KDM4C: variants seen among roughly 807,000 people sequenced by gnomAD.
KDM4C encodes lysine demethylase 4C.
KDM4C carries 81 observed loss-of-function variants against 129.3 expected under a neutral mutation model. The ratio of observed to expected loss-of-function variants is 0.63; its 90% confidence interval spans 0.52 to 0.75. The LOEUF (loss-of-function observed/expected upper bound fraction) is 0.75, where lower values mean the gene tolerates loss of function less well. KDM4C is among the 30% of genes least tolerant of loss of function. The pLI is 0.00. For missense variants in KDM4C, 1,457 were observed against 1,304.0 expected (o/e 1.12, Z -1.81); for synonymous variants, 573 against 456.1 (o/e 1.26, Z -3.26).
At chr9:6,775,253 G>A (rs1315385816) in intron 1 of KDM4C, among the ~76,000 whole-genome samples, 6 of 152,066 alleles carry the variant, frequency 3.9e-5, no homozygotes, top group Non-Finnish European at 7.3e-5. Flanking sequence ...CTCACCTCAA[G>A]TGATCAGCCT....
chr9:6,897,038 C>T (rs1816577863), intron 8 of KDM4C, among the ~76,000 whole-genome samples: 1 of 152,238 alleles, frequency 6.6e-6, no homozygotes, highest in South Asian at 2.1e-4. Flanking sequence ...CTCAGATACA[C>T]TTCCAAATTT....
In KDM4C at chr9:7,076,440, C is replaced by G. The variant is rs913675735; in HGVS notation, c.2424+27240C>G. 7 of 1,549,182 alleles carry G rather than the reference C, an allele frequency of 4.5e-6. No homozygotes were observed. In the East Asian group the frequency reaches 7.3e-5, roughly 16 times the overall value. The stretch of plus-strand genomic sequence containing the variant: ...TTTGCATTGTGTTTTTCAGGGAAGG[C>G]TGGGAATCTAGACACAGCAACAGTA... On this transcript the variant is annotated intron_variant, in intron 17 of 21. Coordinates refer to ENST00000381309, the MANE Select transcript of KDM4C (RefSeq NM_015061.6).
chr9:6,784,738 T>C (rs1825112427), intron 1 of KDM4C, among the ~76,000 whole-genome samples: 2 of 152,120 alleles, frequency 1.3e-5, no homozygotes, highest in South Asian at 4.1e-4. Context: ...GAGAGAGAAA[T>C]GAGTCCTGGC....
intron 8 of KDM4C, among the ~76,000 whole-genome samples, chr9:6,966,082 G>T (rs1830911677): frequency 1.3e-5 from 2 of 152,184 alleles, no homozygotes; most frequent in African/African-American, 4.8e-5. Flanking sequence ...TTTGCATTTA[G>T]ATGGAAGTAA....
intron 17 of KDM4C, among the ~76,000 whole-genome samples, chr9:7,073,514 T>C (rs1292954058): frequency 6.6e-6 from 1 of 152,232 alleles, no homozygotes; most frequent in East Asian, 1.9e-4. Flanking sequence ...CCCGATATTC[T>C]CAGAGGCTGA....
chr9:6,821,379 T>C (rs556045656), intron 4 of KDM4C, among the ~76,000 whole-genome samples: 1 of 152,290 alleles, frequency 6.6e-6, no homozygotes, highest in Non-Finnish European at 1.5e-5. Context: ...CTCTCCAGCA[T>C]CTGTTGTTTC....
At position 6,952,683 on chromosome 9, in the gene KDM4C, C is replaced by G. The variant is rs537862763; in HGVS notation, c.922-28242C>G. Among the ~76,000 whole-genome samples the G allele has an allele frequency of 2.6e-5, 4 of 152,180 alleles. No individual in the cohort carries two copies. In the South Asian group the frequency reaches 8.3e-4, roughly 32 times the overall value. On this transcript the variant is annotated intron_variant, in intron 8 of 21. Transcript: ENST00000381309. ...CTCAAACTCCTGACCTCAGTTGATT[C>G]ACCTGCCTTGGCCTCCCAAACTGAT...
At chr9:6,733,119 G>A (rs1013246252) in intron 1 of KDM4C, among the ~76,000 whole-genome samples, 4 of 152,236 alleles carry the variant, frequency 2.6e-5, no homozygotes, top group African/African-American at 9.6e-5. Context: ...TTCAGAGAAA[G>A]TTTGTAACTG....
At chr9:7,032,632 A>G (rs1826968631) in intron 15 of KDM4C, among the ~76,000 whole-genome samples, 1 of 152,198 alleles carries the variant, frequency 6.6e-6, no homozygotes, top group Non-Finnish European at 1.5e-5. Flanking sequence ...TTTACAACTA[A>G]TGAACCGGAG....
chr9:6,802,800 T>C (rs1290920301), intron 2 of KDM4C, among the ~76,000 whole-genome samples: 3 of 152,186 alleles, frequency 2.0e-5, no homozygotes, highest in African/African-American at 7.2e-5. Context: ...AGAGATGGGG[T>C]TTCACCATGT....
intron 8 of KDM4C, among the ~76,000 whole-genome samples, chr9:6,967,386 T>G: frequency 6.8e-6 from 1 of 147,294 alleles, no homozygotes; most frequent in East Asian, 2.0e-4. Context: ...ATTGTGCCGC[T>G]GCACTCCTGC....
chr9:6,922,671 T>C (rs1821750466), intron 8 of KDM4C, among the ~76,000 whole-genome samples: 1 of 152,240 alleles, frequency 6.6e-6, no homozygotes. Flanking sequence ...CACCTGAGCC[T>C]GGGAGATTGA....
intron 8 of KDM4C, among the ~76,000 whole-genome samples, chr9:6,957,187 G>A (rs1829215119): frequency 6.6e-6 from 1 of 152,178 alleles, no homozygotes; most frequent in South Asian, 2.1e-4. Context: ...GCAAACACAT[G>A]TGCAAATTCT....
chr9:7,002,386 A>G (rs1820888793), intron 12 of KDM4C, among the ~76,000 whole-genome samples: 1 of 152,198 alleles, frequency 6.6e-6, no homozygotes, highest in African/African-American at 2.4e-5. Context: ...TTTTATTAGT[A>G]CAATGTGGAA....
At chr9:7,074,330 A>AT (rs1434562714) in intron 17 of KDM4C, among the ~76,000 whole-genome samples, 3 of 151,886 alleles carry the variant, frequency 2.0e-5, no homozygotes, top group African/African-American at 7.3e-5. Flanking sequence ...TGCATGGCTA[A>AT]TTTTTTTGTA....
chr9:6,975,081 A>G (rs1832707625), intron 8 of KDM4C: 1 of 152,214 alleles, frequency 6.6e-6, no homozygotes, highest in Admixed American at 6.5e-5. Flanking sequence ...TGGGTCAGAA[A>G]GATTGAGTTT....
chr9:6,754,140 T>A (rs1269385355), upstream of KDM4C, among the ~76,000 whole-genome samples: 2 of 151,976 alleles, frequency 1.3e-5, no homozygotes, highest in African/African-American at 4.8e-5. Flanking sequence ...CCTCCCAAAG[T>A]GTTGGGATTA....
rs745630867 is a variant in KDM4C, at chr9:6,849,638, G to A, written c.567G>A (p.Trp189Ter). 1 of 1,613,552 alleles carries A rather than the reference G, an allele frequency of 6.2e-7. No homozygotes were observed. The highest frequency in any genetic ancestry group is 1.1e-5 in the South Asian group (1 of 91,010). The change falls in exon 5 of 22, where the codon TGG becomes TGA. Residue 189 changes from tryptophan (W) to a stop codon, truncating the protein, a stop_gained. Transcript: ENST00000381309. LOFTEE classifies it high-confidence loss of function. ...GCATGTGGAAGACCACGTTTGCATG[G>A]CACACCGAAGACATGGACCTCTATA... is the stretch of plus-strand genomic sequence containing the variant. ...YFGMWKTTFAWHTEDMDLYSI... is the reference protein window; with the variant it reads ...YFGMWKTTFA
Position 6,751,048 on chromosome 9 carries a change from G to A in KDM4C, c.49+30051G>A, listed in dbSNP as rs985357026. ...TTCCTTACATGACAGTCTCAGGACC[G>A]TATCATAAGAGAGTGAAAGCAGAAG... On this transcript the variant is annotated intron_variant, in intron 1 of 17. Coordinates refer to the KDM4C transcript ENST00000536108. Among the ~76,000 whole-genome samples the A allele has an allele frequency of 2.6e-5, 4 of 152,130 alleles. No individual in the cohort carries two copies. In the East Asian group the frequency reaches 7.7e-4, roughly 29 times the overall value.
Sources: gnomAD v4.1 joint callset for allele counts (sites outside exome capture counted in the v4.1 genomes callset) on GRCh38, gnomAD v4.1.1 for gene constraint, MANE v1.5 for transcripts, NCBI Gene and HGNC (gene_info 2026-07-23, HGNC 2026-07-21) for gene names.